Variants in SPAG16 observed in about 807,000 individuals in gnomAD.
The protein encoded by SPAG16 is sperm associated antigen 16.
Under a neutral mutation model 80.4 loss-of-function variants are expected in SPAG16, and 86 were observed. The ratio of observed to expected loss-of-function variants is 1.07; its 90% confidence interval spans 0.90 to 1.28. The LOEUF (loss-of-function observed/expected upper bound fraction) is 1.28, where lower values mean the gene tolerates loss of function less well. SPAG16 is among the 50% of genes most tolerant of loss of function. The probability of loss-of-function intolerance (pLI) is 0.00; values close to 1 mark genes in which losing one functional copy is unlikely to be tolerated. For missense variants in SPAG16, 870 were observed against 765.3 expected (o/e 1.14, Z -1.61); for synonymous variants, 294 against 265.9 (o/e 1.11, Z -1.03).
At chr2:214,289,390 A>T (rs1256065012) in intron 15 of SPAG16, among the ~76,000 whole-genome samples, 1 of 152,104 alleles carries the variant, frequency 6.6e-6, no homozygotes. Flanking sequence ...TAAGTTTTTC[A>T]TGGATCTTGA....
At chr2:213,553,099 T>G (rs1207886864) in intron 10 of SPAG16, among the ~76,000 whole-genome samples, 2 of 152,048 alleles carry the variant, frequency 1.3e-5, no homozygotes, top group Non-Finnish European at 2.9e-5. Context: ...ATCGTGTGAG[T>G]CAATACACCT....
intron 10 of SPAG16, among the ~76,000 whole-genome samples, chr2:213,642,279 A>C (rs2062621125): frequency 6.6e-6 from 1 of 152,190 alleles, no homozygotes; most frequent in Non-Finnish European, 1.5e-5. Flanking sequence ...TTCTTGGAGC[A>C]AAAGTTCACA....
At chr2:214,039,279 T>G (rs2048879183) in intron 13 of SPAG16, among the ~76,000 whole-genome samples, 1 of 152,218 alleles carries the variant, frequency 6.6e-6, no homozygotes, top group African/African-American at 2.4e-5. Flanking sequence ...TGATTTGCAT[T>G]TCTCTGATGG....
chr2:213,708,993 A>G (rs2065869591), intron 10 of SPAG16, among the ~76,000 whole-genome samples: 1 of 152,134 alleles, frequency 6.6e-6, no homozygotes, highest in Non-Finnish European at 1.5e-5. Flanking sequence ...TCCTGTTTAG[A>G]CTAACATTAT....
Position 213,804,682 on chromosome 2 carries a change from C to CAACTAACT in SPAG16, c.1071-57760_1071-57753dup, listed in dbSNP as rs75058174. 7.8e-3 allele frequency among the ~76,000 whole-genome samples: 1,155 copies of CAACTAACT among 148,724 alleles called. 8 individuals carry two copies. The highest frequency in any genetic ancestry group is 0.012 in the African/African-American group (491 of 39,846). ...TGGGCGACAGAGCGAGACTCCGTCT[C>CAACTAACT]AACTAACTAACTAACTAACTAACTA... On this transcript the variant is annotated intron_variant, in intron 10 of 15. Transcript: ENST00000331683.
Position 213,428,234 on chromosome 2 carries a change from A to G in SPAG16, c.942+53115A>G, listed in dbSNP as rs981581668. ...AGAGCTGTGAGTGAAGTCCCAATAT[A>G]GGAGAGGGAGAAAAAGTACTCCTCT... On this transcript the variant is annotated intron_variant, in intron 9 of 15. Coordinates refer to ENST00000331683, the MANE Select transcript of SPAG16 (RefSeq NM_024532.5). 9.9e-5 allele frequency among the ~76,000 whole-genome samples: 15 copies of G among 152,160 alleles called. 1 individual carries two copies. The highest frequency in any genetic ancestry group is 1.9e-4 in the Non-Finnish European group (13 of 68,022).
intron 10 of SPAG16, among the ~76,000 whole-genome samples, chr2:213,607,375 G>C (rs1429313604): frequency 6.6e-6 from 1 of 152,080 alleles, no homozygotes; most frequent in Non-Finnish European, 1.5e-5. Context: ...CAGTGCCTAA[G>C]TAATATATTA....
chr2:213,955,706 AT>A (rs1283110995), intron 12 of SPAG16, among the ~76,000 whole-genome samples: 1 of 152,054 alleles, frequency 6.6e-6, no homozygotes, highest in Non-Finnish European at 1.5e-5. Flanking sequence ...GTTCTATTTC[AT>A]GATTAATTAT....
intron 5 of SPAG16, among the ~76,000 whole-genome samples, chr2:213,333,354 G>T (rs754338464): frequency 6.6e-6 from 1 of 152,056 alleles, no homozygotes; most frequent in African/African-American, 2.4e-5. Context: ...AATTGAAGAG[G>T]ACACAGCAAC....
intron 11 of SPAG16, among the ~76,000 whole-genome samples, chr2:213,913,685 G>C (rs938034326): frequency 7.4e-6 from 1 of 135,130 alleles, no homozygotes; most frequent in African/African-American, 2.8e-5. Context: ...GGATATATAT[G>C]CATACACATA....
chr2:214,061,361 T>C (rs1382887324), intron 13 of SPAG16, among the ~76,000 whole-genome samples: 1 of 152,130 alleles, frequency 6.6e-6, no homozygotes, highest in Non-Finnish European at 1.5e-5. Flanking sequence ...TTTCATTTGG[T>C]GTATTAGTAT....
At chr2:214,239,742 C>G (rs1576572959) in intron 15 of SPAG16, 1 of 152,172 alleles carries the variant, frequency 6.6e-6, no homozygotes, top group East Asian at 1.9e-4. Context: ...AGAGGACACT[C>G]AGGATGACAG....
At chr2:213,823,263 A>T (rs760165441) in intron 10 of SPAG16, among the ~76,000 whole-genome samples, 31 of 152,192 alleles carry the variant, frequency 2.0e-4, no homozygotes, top group Admixed American at 1.3e-4. Context: ...AATAATTGCC[A>T]TTCTGACTGG....
At chr2:213,854,179 T>C (rs1028103448) in intron 10 of SPAG16, among the ~76,000 whole-genome samples, 3 of 152,176 alleles carry the variant, frequency 2.0e-5, no homozygotes, top group Non-Finnish European at 2.9e-5. Context: ...ACGATGTTTA[T>C]CAAAACTAAG....
At chr2:213,363,664 A>G (rs1282817077) in intron 7 of SPAG16, among the ~76,000 whole-genome samples, 2 of 152,128 alleles carry the variant, frequency 1.3e-5, no homozygotes, top group Non-Finnish European at 2.9e-5. Flanking sequence ...GAATAAAAAC[A>G]ACCTCTTCAT....
chr2:213,476,429 G>A (rs759582393), intron 9 of SPAG16, among the ~76,000 whole-genome samples: 32 of 152,164 alleles, frequency 2.1e-4, no homozygotes, highest in African/African-American at 5.8e-4. Context: ...ACACCCGAGG[G>A]TGAAGGGGGA....
chr2:213,715,311 G>A (rs1394816145), intron 10 of SPAG16, among the ~76,000 whole-genome samples: 1 of 151,266 alleles, frequency 6.6e-6, no homozygotes, highest in East Asian at 1.9e-4. Context: ...CTAATGATTG[G>A]ATATGGAGGT....
At chr2:213,978,011 G>A (rs1217960999) in intron 12 of SPAG16, among the ~76,000 whole-genome samples, 9 of 150,204 alleles carry the variant, frequency 6.0e-5, no homozygotes, top group East Asian at 2.0e-4. Flanking sequence ...TTTATGATGC[G>A]CACCCTTAAA....
chr2:213,988,175 T>A (rs1017312933), intron 12 of SPAG16, among the ~76,000 whole-genome samples: 1 of 152,010 alleles, frequency 6.6e-6, no homozygotes, highest in African/African-American at 2.4e-5. Flanking sequence ...AAATGCATGC[T>A]ATGAGCACTT....
Sources: gnomAD v4.1 joint callset for allele counts (sites outside exome capture counted in the v4.1 genomes callset) on GRCh38, gnomAD v4.1.1 for gene constraint, MANE v1.5 for transcripts, NCBI Gene and HGNC (gene_info 2026-07-23, HGNC 2026-07-21) for gene names.